The following DPP6 variants were observed in gnomAD, a reference collection of about 807,000 sequenced individuals.
DPP6 encodes A-type potassium channel modulatory protein DPP6.
In DPP6, 69 loss-of-function variants were observed where a neutral mutation model predicts 122.6. The observed-to-expected ratio is 0.56, with a 90% confidence interval of 0.46 to 0.69. DPP6 has a LOEUF of 0.69. DPP6 is among the 30% of genes least tolerant of loss of function. DPP6 has a pLI of 0.00. For synonymous variants in DPP6, 418 were observed against 433.1 expected (o/e 0.97, Z 0.43); for missense variants, 928 against 1,116.9 (o/e 0.83, Z 2.41).
At chr7:154,503,665 A>G (rs1825433325) in intron 3 of DPP6, among the ~76,000 whole-genome samples, 1 of 139,034 alleles carries the variant, frequency 7.2e-6, no homozygotes, top group Non-Finnish European at 1.6e-5. Context: ...TCATAGCCAC[A>G]ACATTTAAGA....
chr7:154,061,139 G>A (rs1308347763), intron 1 of DPP6, among the ~76,000 whole-genome samples: 1 of 148,442 alleles, frequency 6.7e-6, no homozygotes, highest in African/African-American at 2.5e-5. Context: ...GAAGGCAGGT[G>A]AGAGAATTCT....
At chr7:154,057,995 A>C (rs1389856544) in intron 1 of DPP6, 1 of 150,564 alleles carries the variant, frequency 6.6e-6, no homozygotes, top group Non-Finnish European at 1.5e-5. Flanking sequence ...TTCTTGGGCA[A>C]AACCTGAACA....
Position 154,470,550 on chromosome 7 carries a change from G to C in DPP6, c.359-4389G>C, listed in dbSNP as rs965821074. On this transcript the variant is annotated intron_variant, in intron 2 of 25. Transcript: ENST00000377770. ...AGTTTTCTGGTATTTAAAATATTTA[G>C]AGAAGGAGTTCCAAATGGTTCTCCA... 2.8e-4 allele frequency among the ~76,000 whole-genome samples: 42 copies of C among 152,196 alleles called. 1 individual carries two copies. Among genetic ancestry groups the C allele is most frequent in the African/African-American group, 9.4e-4 (39 of 41,446 alleles).
chr7:154,196,405 C>T (rs1358666070), intron 1 of DPP6, among the ~76,000 whole-genome samples: 1 of 152,122 alleles, frequency 6.6e-6, no homozygotes, highest in East Asian at 1.9e-4. Flanking sequence ...CAGAAGAATC[C>T]CTTGAACCCA....
chr7:154,465,870 G>A (rs567017825), intron 2 of DPP6, among the ~76,000 whole-genome samples: 1 of 152,262 alleles, frequency 6.6e-6, no homozygotes, highest in South Asian at 2.1e-4. Flanking sequence ...TATACCCAAA[G>A]GGTTATAAAT....
chr7:154,826,848 C>T lies in DPP6; in HGVS notation c.1666+19736C>T, dbSNP rs561257048. Among the ~76,000 whole-genome samples the T allele has an allele frequency of 1.1e-3, 164 of 152,198 alleles. 1 individual carries two copies. The highest frequency in any genetic ancestry group is 3.7e-3 in the African/African-American group (155 of 41,526). ...GACGTCTGGCTAAATGTTACATCTG[C>T]TTTCACTTTCATTAATTTTCTTGCC... On this transcript the variant is annotated intron_variant, in intron 16 of 25. Coordinates refer to ENST00000377770, the MANE Select transcript of DPP6 (RefSeq NM_130797.4).
intron 1 of DPP6, among the ~76,000 whole-genome samples, chr7:154,328,154 C>T (rs1289830147): frequency 6.6e-6 from 1 of 152,214 alleles, no homozygotes; most frequent in South Asian, 2.1e-4. Context: ...ATGGTTTGCT[C>T]GGATCCCTGG....
the DPP6 span, among the ~76,000 whole-genome samples, chr7:153,774,456 TCA>T: frequency 6.6e-6 from 1 of 152,166 alleles, no homozygotes; most frequent in African/African-American, 2.4e-5. Flanking sequence ...GATATGTCAA[TCA>T]TGTGAGGAAC....
intron 1 of DPP6, among the ~76,000 whole-genome samples, chr7:154,436,598 A>G (rs1818888377): frequency 6.6e-6 from 1 of 152,198 alleles, no homozygotes; most frequent in Non-Finnish European, 1.5e-5. Flanking sequence ...GTGGTTAACC[A>G]TTGCTATTGT....
chr7:154,862,219 G>T (rs549794102), intron 17 of DPP6, among the ~76,000 whole-genome samples: 3 of 152,162 alleles, frequency 2.0e-5, no homozygotes, highest in Non-Finnish European at 4.4e-5. Context: ...CCCTCGTGAC[G>T]CCTGTGTCAG....
intron 1 of DPP6, among the ~76,000 whole-genome samples, chr7:153,937,283 C>T (rs571351516): frequency 1.3e-5 from 2 of 152,234 alleles, no homozygotes; most frequent in African/African-American, 4.8e-5. Flanking sequence ...TGATGGCTGT[C>T]GCAAAACACT....
the DPP6 span, among the ~76,000 whole-genome samples, chr7:153,831,811 A>G: frequency 1.3e-5 from 2 of 152,316 alleles, no homozygotes; most frequent in African/African-American, 4.8e-5. Flanking sequence ...CGGGCCAAAG[A>G]CCAGAGAGGG....
chr7:154,421,593 G>A (rs1817477374), intron 1 of DPP6, among the ~76,000 whole-genome samples: 1 of 152,140 alleles, frequency 6.6e-6, no homozygotes, highest in Non-Finnish European at 1.5e-5. Flanking sequence ...CAAAACGCTG[G>A]GATTACGGGC....
intron 7 of DPP6, among the ~76,000 whole-genome samples, chr7:154,671,137 G>A (rs1267206314): frequency 6.6e-6 from 1 of 152,226 alleles, no homozygotes; most frequent in Non-Finnish European, 1.5e-5. Flanking sequence ...GAAGATCTAA[G>A]TTTTCAGGAC....
intron 7 of DPP6, among the ~76,000 whole-genome samples, chr7:154,679,503 G>A (rs945687391): frequency 6.6e-5 from 10 of 152,206 alleles, no homozygotes; most frequent in Admixed American, 2.0e-4. Flanking sequence ...TGGGCCCGTC[G>A]CCTCCTCCTA....
At position 154,688,793 on chromosome 7, in the gene DPP6, C is replaced by G. The variant is rs545082741; in HGVS notation, c.762+19352C>G. Among the ~76,000 whole-genome samples, 16 of 152,304 alleles carry G rather than the reference C, an allele frequency of 1.1e-4. No individual in the cohort carries two copies. The South Asian group carries it at 3.3e-3, about 32-fold the overall frequency. On this transcript the variant is annotated intron_variant, in intron 7 of 25. Transcript: ENST00000377770. The stretch of plus-strand genomic sequence containing the variant: ...AAGGGTGCATCTGCCTTCCCCAGCC[C>G]ACTGACTCAAATGTTAATCTCTTTT...
chr7:154,332,269 A>C (rs1809014621), intron 1 of DPP6, among the ~76,000 whole-genome samples: 1 of 152,020 alleles, frequency 6.6e-6, no homozygotes, highest in Non-Finnish European at 1.5e-5. Flanking sequence ...ACAGGGTTTC[A>C]CCATGTTGGC....
intron 1 of DPP6, among the ~76,000 whole-genome samples, chr7:154,123,899 A>T (rs1230918237): frequency 6.6e-6 from 1 of 151,162 alleles, no homozygotes; most frequent in African/African-American, 2.4e-5. Context: ...CCACCCGCTC[A>T]CTATGATTAC....
intron 4 of DPP6, among the ~76,000 whole-genome samples, chr7:154,540,971 G>T (rs1331228337): frequency 1.3e-5 from 2 of 152,106 alleles, no homozygotes; most frequent in Non-Finnish European, 2.9e-5. Context: ...GCTCAATCCT[G>T]TTTAAAAAAA....
Sources: allele counts gnomAD v4.1 joint callset (sites outside exome capture counted in the v4.1 genomes callset), GRCh38; gene constraint gnomAD v4.1.1; transcripts MANE v1.5; gene names NCBI Gene and HGNC (gene_info 2026-07-23, HGNC 2026-07-21).